CTNNA2: variants seen among roughly 807,000 people sequenced by gnomAD.
CTNNA2 encodes the protein catenin alpha 2, also known as catenin alpha-2.
In CTNNA2, 42 loss-of-function variants were observed where a neutral mutation model predicts 101.0. That is an observed-to-expected ratio of 0.42 (90% confidence interval 0.32 to 0.54). CTNNA2 has a LOEUF of 0.54. CTNNA2 is among the 20% of genes least tolerant of loss of function. The pLI is 0.14. For synonymous variants in CTNNA2, 450 were observed against 456.4 expected (o/e 0.99, Z 0.18); for missense variants, 871 against 1,223.1 (o/e 0.71, Z 4.29).
chr2:79,709,480 C>T (rs576043374), intron 2 of CTNNA2, among the ~76,000 whole-genome samples: 11 of 151,992 alleles, frequency 7.2e-5, no homozygotes, highest in South Asian at 2.1e-4. Context: ...AGAGGCATGT[C>T]GGACAGGGTT....
intron 2 of CTNNA2, among the ~76,000 whole-genome samples, chr2:79,256,188 A>G (rs1217960602): frequency 6.6e-6 from 1 of 152,170 alleles, no homozygotes; most frequent in African/African-American, 2.4e-5. Context: ...GGTCCTTGTC[A>G]CTCACCTCCA....
At chr2:79,807,992 T>C (rs908055463) in intron 3 of CTNNA2, among the ~76,000 whole-genome samples, 1 of 152,222 alleles carries the variant, frequency 6.6e-6, no homozygotes, top group Non-Finnish European at 1.5e-5. Flanking sequence ...CAATCAGCTG[T>C]CTTTAAGGAC....
At chr2:80,140,779 A>C (rs1035065592) in intron 7 of CTNNA2, among the ~76,000 whole-genome samples, 1 of 152,136 alleles carries the variant, frequency 6.6e-6, no homozygotes, top group Non-Finnish European at 1.5e-5. Context: ...CTTAAATTGC[A>C]TGTTTTATTT....
intron 4 of CTNNA2, among the ~76,000 whole-genome samples, chr2:79,486,518 G>A (rs936571841): frequency 7.2e-5 from 11 of 152,094 alleles, no homozygotes; most frequent in African/African-American, 1.7e-4. Context: ...TATTGTGAAT[G>A]GTGCCACAAT....
intron 7 of CTNNA2, among the ~76,000 whole-genome samples, chr2:80,026,515 G>C (rs1031777160): frequency 6.6e-6 from 1 of 152,172 alleles, no homozygotes; most frequent in African/African-American, 2.4e-5. Context: ...TTGGTGAACA[G>C]AGAGGCCTGC....
chr2:79,576,096 T>C (rs1403822129), intron 1 of CTNNA2, among the ~76,000 whole-genome samples: 1 of 152,192 alleles, frequency 6.6e-6, no homozygotes, highest in African/African-American at 2.4e-5. Flanking sequence ...CTTTGGACTT[T>C]TTTCAAAAAT....
chr2:79,339,938 T>C (rs1169714821), intron 3 of CTNNA2: 1 of 152,228 alleles, frequency 6.6e-6, no homozygotes, highest in East Asian at 1.9e-4. Flanking sequence ...ATTTGTTGTT[T>C]CTTACCCAGG....
At chr2:80,266,534 T>C (rs1047299147) in intron 7 of CTNNA2, among the ~76,000 whole-genome samples, 48 of 152,242 alleles carry the variant, frequency 3.2e-4, no homozygotes, top group African/African-American at 1.1e-3. Context: ...TGCTGATTTG[T>C]TATACAATTT....
chr2:80,484,726 G>T (rs1686412306), intron 9 of CTNNA2, among the ~76,000 whole-genome samples: 1 of 152,160 alleles, frequency 6.6e-6, no homozygotes, highest in Non-Finnish European at 1.5e-5. Flanking sequence ...AATGGGTCTG[G>T]CTGGGCGCAG....
At chr2:79,204,711 G>A (rs890363094) in intron 2 of CTNNA2, among the ~76,000 whole-genome samples, 2 of 152,186 alleles carry the variant, frequency 1.3e-5, no homozygotes, top group African/African-American at 4.8e-5. Context: ...CAAGGCATCA[G>A]CAGGTTCAGT....
intron 2 of CTNNA2, among the ~76,000 whole-genome samples, chr2:79,727,505 T>A (rs1006710036): frequency 7.2e-5 from 11 of 152,286 alleles, no homozygotes; most frequent in African/African-American, 2.4e-4. Context: ...AAATCAATAC[T>A]ATCCCATTTA....
intron 7 of CTNNA2, among the ~76,000 whole-genome samples, chr2:79,911,382 G>T (rs527947200): frequency 6.6e-6 from 1 of 152,208 alleles, no homozygotes; most frequent in South Asian, 2.1e-4. Context: ...AGATCACAGT[G>T]ATGGTTAAGA....
intron 7 of CTNNA2, among the ~76,000 whole-genome samples, chr2:80,317,826 A>G (rs1432499034): frequency 3.3e-5 from 5 of 152,268 alleles, no homozygotes; most frequent in East Asian, 3.9e-4. Context: ...GGAATAGGCA[A>G]TCATCAGCTT....
At chr2:80,043,301 G>A (rs1460702304) in intron 7 of CTNNA2, among the ~76,000 whole-genome samples, 4 of 150,114 alleles carry the variant, frequency 2.7e-5, no homozygotes, top group African/African-American at 9.8e-5. Flanking sequence ...GGGTTCAAGC[G>A]ATTCTCATGC....
chr2:79,938,251 G>C (rs1687920969), intron 7 of CTNNA2, among the ~76,000 whole-genome samples: 2 of 152,130 alleles, frequency 1.3e-5, no homozygotes, highest in Non-Finnish European at 2.9e-5. Flanking sequence ...GTAATAATAT[G>C]AATAAACATA....
At chr2:80,000,996 C>G (rs1432369429) in intron 7 of CTNNA2, among the ~76,000 whole-genome samples, 1 of 152,170 alleles carries the variant, frequency 6.6e-6, no homozygotes, top group African/African-American at 2.4e-5. Context: ...ATGGGTACAC[C>G]CATTTTTGGA....
intron 7 of CTNNA2, among the ~76,000 whole-genome samples, chr2:79,999,574 G>A (rs574778566): frequency 3.3e-5 from 5 of 152,268 alleles, no homozygotes; most frequent in South Asian, 4.1e-4. Flanking sequence ...TGTGCTTGAC[G>A]CTCTTCTATA....
chr2:80,457,454 AAAAG>A (rs1347682562), intron 9 of CTNNA2, among the ~76,000 whole-genome samples: 31 of 152,176 alleles, frequency 2.0e-4, no homozygotes, highest in Admixed American at 1.8e-3. Flanking sequence ...TATCAGTAAA[AAAAG>A]AAAGAAAAAT....
intron 1 of CTNNA2, among the ~76,000 whole-genome samples, chr2:79,628,268 A>G (rs1316355717): frequency 1.3e-5 from 2 of 152,098 alleles, no homozygotes; most frequent in Non-Finnish European, 2.9e-5. Context: ...CCTGGCCAAT[A>G]TGATGAAACT....
Sources: allele counts gnomAD v4.1 joint callset (sites outside exome capture counted in the v4.1 genomes callset), GRCh38; gene constraint gnomAD v4.1.1; transcripts MANE v1.5; gene names NCBI Gene and HGNC (gene_info 2026-07-23, HGNC 2026-07-21).